Variants in TMEM108 observed in about 807,000 individuals in gnomAD.
TMEM108 encodes cancer/testis antigen 124.
A neutral mutation model predicts 35.1 loss-of-function variants in TMEM108; 12 were observed. The observed-to-expected ratio is 0.34, with a 90% CI of 0.22 to 0.55. The LOEUF (loss-of-function observed/expected upper bound fraction) is 0.55. TMEM108 is among the 20% of genes least tolerant of loss of function. TMEM108 has a pLI of 0.89. For synonymous variants in TMEM108, 287 were observed against 308.6 expected, an observed-to-expected ratio of 0.93 and a Z score of 0.73; for missense variants, 680 against 753.3, an observed-to-expected ratio of 0.90 and a Z score of 1.14.
intron 3 of TMEM108, among the ~76,000 whole-genome samples, chr3:133,259,297 G>A (rs1037873273): frequency 5.3e-5 from 8 of 152,124 alleles, no homozygotes; most frequent in Admixed American, 3.9e-4. Context: ...TTGGTGTTGT[G>A]AAATTCTTCT....
intron 3 of TMEM108, among the ~76,000 whole-genome samples, chr3:133,331,958 T>G (rs778810536): frequency 6.6e-6 from 1 of 152,220 alleles, no homozygotes; most frequent in Non-Finnish European, 1.5e-5. Flanking sequence ...GTATAGACCA[T>G]AGTCACACTT....
chr3:133,081,980 G>A (rs537965811), intron 2 of TMEM108, among the ~76,000 whole-genome samples: 53 of 152,216 alleles, frequency 3.5e-4, no homozygotes, highest in Non-Finnish European at 4.9e-4. Flanking sequence ...AGTAGAGCAT[G>A]ACCTCAGCTT....
chr3:133,192,774 G>C (rs28536096), intron 2 of TMEM108: 1 of 152,196 alleles, frequency 6.6e-6, no homozygotes, highest in African/African-American at 2.4e-5. Context: ...AGGAGGAAGC[G>C]GGTGAGGCGG....
intron 2 of TMEM108, among the ~76,000 whole-genome samples, chr3:133,175,947 C>G (rs990922993): frequency 4.6e-5 from 7 of 152,088 alleles, no homozygotes; most frequent in Non-Finnish European, 1.0e-4. Context: ...CAGAGACACA[C>G]ATAGGCTCAA....
intron 3 of TMEM108, among the ~76,000 whole-genome samples, chr3:133,325,829 A>G (rs2107723297): frequency 6.6e-6 from 1 of 151,964 alleles, no homozygotes; most frequent in South Asian, 2.1e-4. Context: ...GAATTTGAAT[A>G]CTAATAACAT....
chr3:133,235,387 A>G (rs758841763), intron 3 of TMEM108, among the ~76,000 whole-genome samples: 2 of 152,336 alleles, frequency 1.3e-5, no homozygotes, highest in Admixed American at 6.5e-5. Flanking sequence ...ACAGCATGGT[A>G]CTAGTACCAA....
Position 133,101,080 on chromosome 3 carries a change from T to C in TMEM108, c.-47+55060T>C, listed in dbSNP as rs923622668. Among the ~76,000 whole-genome samples, 25 of 152,230 alleles carry C rather than the reference T, an allele frequency of 1.6e-4. 1 individual carries two copies. The highest frequency in any genetic ancestry group is 2.9e-5 in the Non-Finnish European group (2 of 68,036). ...GTGTCCTATTTTTGATTATTTAAGG[T>C]TATCTCCTAGTTTTTGCTTCTGTAC... On this transcript the variant is annotated intron_variant, in intron 2 of 5. Transcript: ENST00000321871.
At chr3:133,065,431 A>T (rs1943584691) in intron 2 of TMEM108, among the ~76,000 whole-genome samples, 1 of 152,108 alleles carries the variant, frequency 6.6e-6, no homozygotes, top group East Asian at 1.9e-4. Flanking sequence ...GGTTAGTCTG[A>T]TCTCTCCACC....
At chr3:133,367,735 C>T (rs1160061807) in intron 3 of TMEM108, among the ~76,000 whole-genome samples, 1 of 152,208 alleles carries the variant, frequency 6.6e-6, no homozygotes, top group African/African-American at 2.4e-5. Context: ...GAGCAGACCC[C>T]CTCCTTAGAC....
chr3:133,163,515 G>A (rs923145998), intron 2 of TMEM108, among the ~76,000 whole-genome samples: 2 of 152,156 alleles, frequency 1.3e-5, no homozygotes, highest in African/African-American at 2.4e-5. Context: ...CTATTGTGGT[G>A]GACAGCAGAG....
At chr3:133,056,476 T>C (rs2107678535) in intron 2 of TMEM108, among the ~76,000 whole-genome samples, 1 of 152,302 alleles carries the variant, frequency 6.6e-6, no homozygotes, top group Non-Finnish European at 1.5e-5. Flanking sequence ...ATAACTACCT[T>C]ATGGGATGCT....
At chr3:133,358,767 C>T (rs2072254993) in intron 3 of TMEM108, among the ~76,000 whole-genome samples, 1 of 152,172 alleles carries the variant, frequency 6.6e-6, no homozygotes, top group African/African-American at 2.4e-5. Flanking sequence ...TAACCCACAG[C>T]TACTTCTTTT....
At chr3:133,373,872 C>G (rs1053281701) in intron 3 of TMEM108, among the ~76,000 whole-genome samples, 4 of 152,222 alleles carry the variant, frequency 2.6e-5, no homozygotes, top group Admixed American at 2.6e-4. Context: ...TTAGGGTTGA[C>G]CAGGCTCAGC....
At chr3:133,115,957 T>G (rs1376311666) in intron 2 of TMEM108, among the ~76,000 whole-genome samples, 2 of 152,052 alleles carry the variant, frequency 1.3e-5, no homozygotes, top group African/African-American at 4.8e-5. Flanking sequence ...TCAGTGGGGG[T>G]GGGGAGTTAT....
intron 2 of TMEM108, among the ~76,000 whole-genome samples, chr3:133,095,314 A>G (rs545783483): frequency 7.9e-5 from 12 of 152,164 alleles, no homozygotes; most frequent in Admixed American, 3.3e-4. Context: ...TCCAAGTTAC[A>G]TGTATTAACT....
At chr3:133,116,120 A>G (rs1410456029) in intron 2 of TMEM108, among the ~76,000 whole-genome samples, 3 of 152,200 alleles carry the variant, frequency 2.0e-5, no homozygotes, top group Admixed American at 6.5e-5. Flanking sequence ...GTCTGCCTCT[A>G]TGGGCTTCAT....
intron 2 of TMEM108, among the ~76,000 whole-genome samples, chr3:133,183,310 GTCTTA>G (rs2107805987): frequency 6.6e-6 from 1 of 152,212 alleles, no homozygotes; most frequent in South Asian, 2.1e-4. Context: ...TCCTCTTAAA[GTCTTA>G]TCTTATTCCT....
chr3:133,136,681 G>C (rs1246008799), intron 2 of TMEM108, among the ~76,000 whole-genome samples: 3 of 152,202 alleles, frequency 2.0e-5, no homozygotes. Flanking sequence ...CCATCACAGA[G>C]TGCTCCAGAT....
At chr3:133,093,758 A>AT (rs923785280) in intron 2 of TMEM108, among the ~76,000 whole-genome samples, 1 of 152,098 alleles carries the variant, frequency 6.6e-6, no homozygotes. Context: ...GCTTTAAAAC[A>AT]TTTTTATGCC....
Sources: gnomAD v4.1 joint callset for allele counts (sites outside exome capture counted in the v4.1 genomes callset) on GRCh38, gnomAD v4.1.1 for gene constraint, MANE v1.5 for transcripts, NCBI Gene and HGNC (gene_info 2026-07-23, HGNC 2026-07-21) for gene names.